The following AXL variants were observed in gnomAD, a reference collection of about 807,000 sequenced individuals.
AXL encodes the protein AXL receptor tyrosine kinase.
Under a neutral mutation model 104.5 loss-of-function variants are expected in AXL, and 52 were observed. The observed-to-expected ratio is 0.50, with a 90% CI of 0.40 to 0.63. The LOEUF is 0.63. Ranked by LOEUF, AXL falls within the 20% of genes least tolerant of loss-of-function variation. The pLI is 0.00. For missense variants in AXL, 1,024 were observed against 1,188.5 expected (o/e 0.86, Z 2.04); for synonymous variants, 455 against 473.7 (o/e 0.96, Z 0.51).
intron 6 of AXL, among the ~76,000 whole-genome samples, chr19:41,236,129 A>C (rs2034074309): frequency 6.6e-6 from 1 of 151,310 alleles, no homozygotes; most frequent in Non-Finnish European, 1.5e-5. Context: ...TCAGGAGTTC[A>C]AGACCAGCCT....
At chr19:41,258,141 G>C (rs1313348565) in intron 19 of AXL, among the ~76,000 whole-genome samples, 3 of 152,218 alleles carry the variant, frequency 2.0e-5, no homozygotes, top group African/African-American at 7.2e-5. Flanking sequence ...TGCGGAGAAG[G>C]CCGTGACATT....
intron 1 of AXL, chr19:41,220,367 C>G (rs748520278): frequency 7.1e-6 from 3 of 424,382 alleles, no homozygotes; most frequent in Non-Finnish European, 1.3e-5. Context: ...AGGGGCTGGC[C>G]CTGCCAGGCA....
intron 11 of AXL, 37 bp from the exon 12 acceptor site, chr19:41,243,579 T>C (rs746670422): frequency 1.3e-5 from 20 of 1,545,064 alleles, no homozygotes; most frequent in Middle Eastern, 3.4e-4. Flanking sequence ...TTCCACATGG[T>C]TTTTCCCTGC....
chr19:41,252,989 A>T (rs1290174658), intron 16 of AXL, 22 bp downstream of exon 16: 1 of 1,613,090 alleles, frequency 6.2e-7, no homozygotes. Context: ...TTAATCATTC[A>T]GTCTACAAAT....
chr19:41,259,933 A>C lies in AXL; in HGVS notation c.*29A>C. 11 of 1,518,944 alleles carry C rather than the reference A, an allele frequency of 7.2e-6. No homozygotes were observed. Among genetic ancestry groups the C allele is most frequent in the Non-Finnish European group, 9.7e-6 (11 of 1,128,950 alleles). 94.1% of individuals were successfully genotyped at this position (1,518,944 alleles called of 1,614,324 possible). ...AACCCTCCACCTGGTACTCCCTCTC[A>C]GGATCCAAGCTAAGCACTGCCACTG... is the stretch of plus-strand genomic sequence containing the variant. On this transcript the variant is annotated 3_prime_UTR_variant, in exon 20 of 20. Coordinates refer to ENST00000301178, the MANE Select transcript of AXL (RefSeq NM_021913.5).
chr19:41,221,675 C>T (rs183882913), intron 3 of AXL: 35 of 575,640 alleles, frequency 6.1e-5, no homozygotes, highest in Middle Eastern at 9.2e-4. Context: ...GCTCAGCTAT[C>T]GTGGGGGGTC....
At chr19:41,244,574 G>T (rs1403042662) in intron 12 of AXL, among the ~76,000 whole-genome samples, 2 of 151,838 alleles carry the variant, frequency 1.3e-5, no homozygotes, top group African/African-American at 4.8e-5. Flanking sequence ...TCACCTCCCA[G>T]GTTCAAGTGA....
rs1199910514 is a variant in AXL, at chr19:41,221,143, C to T, written c.309-3C>T. On this transcript the variant is annotated splice_polypyrimidine_tract_variant and splice_region_variant and intron_variant, in intron 2 of 19. Transcript: ENST00000301178. ...CTCTCTGTCTCTCCTCTTGCCCTGT[C>T]AGAATCACCTCCCTGCAGCTTTCCG... The T allele has an allele frequency of 3.1e-6, 5 of 1,613,450 alleles. No homozygotes were observed. Among genetic ancestry groups the T allele is most frequent in the Non-Finnish European group, 4.2e-6 (5 of 1,179,648 alleles).
rs2033981624 is a variant in AXL, at chr19:41,231,192, A to G, written c.677A>G (p.Gln226Arg). The G allele has an allele frequency of 6.2e-7, 1 of 1,612,674 alleles. No homozygotes were observed. Among genetic ancestry groups the G allele is most frequent in the Non-Finnish European group, 8.5e-7 (1 of 1,179,210 alleles). ...TCCCGTTTGTCCACAGTGCTCCCCC[A>G]GCAGCCCCGTAACCTCCACCTGGTC... The part of the protein sequence containing the change: ...SRTATITVLP[Q>R]QPRNLHLVSR... Residue 226 changes from glutamine to arginine, a missense_variant, in exon 6 of 20, where the codon CAG becomes CGG. Coordinates refer to ENST00000301178, the MANE Select transcript of AXL (RefSeq NM_021913.5).
In AXL at chr19:41,238,617, CT is replaced by C; in HGVS notation, c.1134+9del. 1 of 1,601,280 alleles carries C rather than the reference CT, an allele frequency of 6.2e-7. No individual in the cohort carries two copies. The highest frequency in any genetic ancestry group is 8.5e-7 in the Non-Finnish European group (1 of 1,170,996). On this transcript the variant is annotated intron_variant, in intron 8 of 19. Transcript: ENST00000301178. ...GGCCAGGACACCCCAGAGGTGGGTG[CT>C]GCTGGTGGGATTGGAGTGGAGTGGC...
Position 41,219,367 on chromosome 19 carries a change from C to G in AXL, c.-26C>G, listed in dbSNP as rs765153721. 55 of 1,568,646 alleles carry G rather than the reference C, an allele frequency of 3.5e-5. No homozygotes were observed. Among genetic ancestry groups the G allele is most frequent in the Middle Eastern group, 1.9e-4 (1 of 5,334 alleles). Reference sequence around the variant, plus strand: ...GCCCCCTCCCCCGCTGGGAGCCCAACAACTTCTGAGGAAAGTTTGGCACCC... The same window carrying G: ...GCCCCCTCCCCCGCTGGGAGCCCAAGAACTTCTGAGGAAAGTTTGGCACCC... On this transcript the variant is annotated 5_prime_UTR_variant, in exon 1 of 20. Coordinates refer to ENST00000301178, the MANE Select transcript of AXL (RefSeq NM_021913.5).
At chr19:41,235,686 G>A (rs1322819814) in intron 6 of AXL, among the ~76,000 whole-genome samples, 3 of 152,154 alleles carry the variant, frequency 2.0e-5, no homozygotes, top group African/African-American at 4.8e-5. Context: ...ACAGGATGGG[G>A]TTTAGGTCCC....
chr19:41,245,674 A>C lies in AXL; in HGVS notation c.1537+1967A>C, dbSNP rs544573755. Among the ~76,000 whole-genome samples, 40 of 150,142 alleles carry C rather than the reference A, an allele frequency of 2.7e-4. 1 individual carries two copies. Among genetic ancestry groups the C allele is most frequent in the African/African-American group, 9.6e-4 (39 of 40,726 alleles). The stretch of plus-strand genomic sequence containing the variant: ...GGTTGCAGTGAGCCGAGATCGTGCC[A>C]CTGCACTTCAGCCTGGGTGATAGAG... On this transcript the variant is annotated intron_variant, in intron 12 of 19. Transcript: ENST00000301178.
At chr19:41,256,406 G>A (rs747227864) in intron 17 of AXL, 46 bp from the exon 18 acceptor site, 2 of 1,590,404 alleles carry the variant, frequency 1.3e-6, no homozygotes, top group Admixed American at 3.4e-5. Flanking sequence ...CTTCCTGGTG[G>A]AGGTGACTGA....
At position 41,248,729 on chromosome 19, in the gene AXL, C is replaced by T. The variant is rs547179962; in HGVS notation, c.1634-14C>T. ...GGCCCTCTGAGGTCAGTGTCTCCCT[C>T]TGGCCCCCCACAGGAGAGTTTGGAG... On this transcript the variant is annotated splice_polypyrimidine_tract_variant and intron_variant, in intron 13 of 19. Transcript: ENST00000301178. The T allele has an allele frequency of 3.1e-6, 5 of 1,614,044 alleles. No individual in the cohort carries two copies. In the South Asian group the frequency reaches 5.5e-5, roughly 18 times the overall value.
At position 41,230,932 on chromosome 19, in the gene AXL, C is replaced by G. The variant is rs745334892; in HGVS notation, c.587-35C>G. On this transcript the variant is annotated intron_variant, in intron 4 of 19. Coordinates refer to ENST00000301178, the MANE Select transcript of AXL (RefSeq NM_021913.5). The stretch of plus-strand genomic sequence containing the variant: ...GCCCCGGAGCCCTTCCTGCCCCTCT[C>G]TGATATTGGACCCTTCCCTCATATG... 3 of 1,606,480 alleles carry G rather than the reference C, an allele frequency of 1.9e-6. No homozygotes were observed. The South Asian group carries it at 3.3e-5, about 18-fold the overall frequency.
At chr19:41,238,195 C>T (rs750954119) in intron 7 of AXL, 41 bp downstream of exon 7, 47 of 1,602,634 alleles carry the variant, frequency 2.9e-5, no homozygotes, top group South Asian at 2.0e-4. Flanking sequence ...ACTGCCCCAC[C>T]GGACCTTGCT....
At position 41,220,754 on chromosome 19, in the gene AXL, T is replaced by A; in HGVS notation, c.204T>A (p.His68Gln). ...LQVQGEPPEVHWLRDGQILEL... is the reference protein window; with the variant it reads ...LQVQGEPPEVQWLRDGQILEL... ...TTCAGGGAGAGCCCCCCGAGGTACA[T>A]TGGCTTCGGGATGGACAGATCCTGG... The change falls in exon 2 of 20, where the codon CAT becomes CAA. Residue 68 changes from histidine to glutamine, a missense_variant. Coordinates refer to ENST00000301178, the MANE Select transcript of AXL (RefSeq NM_021913.5). 1 of 1,614,142 alleles carries A rather than the reference T, an allele frequency of 6.2e-7. No individual in the cohort carries two copies. The highest frequency in any genetic ancestry group is 8.5e-7 in the Non-Finnish European group (1 of 1,179,990).
chr19:41,224,219 T>C (rs967709763), intron 4 of AXL, among the ~76,000 whole-genome samples: 2 of 151,874 alleles, frequency 1.3e-5, no homozygotes, highest in South Asian at 2.1e-4. Context: ...GGGTAGTGGG[T>C]TTGGGGCTAT....
Sources: allele counts gnomAD v4.1 joint callset (sites outside exome capture counted in the v4.1 genomes callset), GRCh38; gene constraint gnomAD v4.1.1; transcripts MANE v1.5; gene names NCBI Gene and HGNC (gene_info 2026-07-23, HGNC 2026-07-21).